Variants in CCSER1 observed in about 807,000 individuals in gnomAD.
CCSER1 encodes coiled-coil serine rich protein 1.
A neutral mutation model predicts 82.0 loss-of-function variants in CCSER1; 41 were observed. That is an observed-to-expected ratio of 0.50 (90% CI 0.39 to 0.65). The LOEUF is 0.65. Among genes scored for constraint, CCSER1 ranks in the 30% least tolerant of loss-of-function variants. The probability of loss-of-function intolerance (pLI) is 0.00; values close to 1 mark genes in which losing one functional copy is unlikely to be tolerated. For synonymous variants in CCSER1, 414 were observed against 383.9 expected (o/e 1.08, Z -0.92); for missense variants, 1,119 against 1,064.2 (o/e 1.05, Z -0.72).
intron 10 of CCSER1, among the ~76,000 whole-genome samples, chr4:91,492,443 T>C (rs1187111440): frequency 6.6e-6 from 1 of 152,094 alleles, no homozygotes; most frequent in Non-Finnish European, 1.5e-5. Flanking sequence ...CTGCTGTCTC[T>C]TCCCAGGGAT....
chr4:91,146,329 T>G (rs1180200853), intron 10 of CCSER1, among the ~76,000 whole-genome samples: 1 of 152,216 alleles, frequency 6.6e-6, no homozygotes, highest in African/African-American at 2.4e-5. Flanking sequence ...GATTCATTTT[T>G]TGGCTTTCTT....
chr4:90,712,544 T>C (rs1227596252), intron 6 of CCSER1, among the ~76,000 whole-genome samples: 1 of 152,086 alleles, frequency 6.6e-6, no homozygotes, highest in African/African-American at 2.4e-5. Context: ...CTGAGGCGTG[T>C]TTTACTTCTA....
intron 10 of CCSER1, among the ~76,000 whole-genome samples, chr4:91,328,896 G>A (rs1300487100): frequency 6.6e-6 from 1 of 152,098 alleles, no homozygotes; most frequent in African/African-American, 2.4e-5. Flanking sequence ...TCTCATGGTA[G>A]TGAATAGGTC....
intron 1 of CCSER1, among the ~76,000 whole-genome samples, chr4:90,210,755 T>A (rs1000622399): frequency 6.6e-6 from 1 of 152,208 alleles, no homozygotes; most frequent in African/African-American, 2.4e-5. Flanking sequence ...TGGCGTCTGC[T>A]ATCATTTCTA....
At chr4:90,824,137 A>C (rs1471416480) in intron 8 of CCSER1, among the ~76,000 whole-genome samples, 1 of 152,108 alleles carries the variant, frequency 6.6e-6, no homozygotes, top group Admixed American at 6.5e-5. Context: ...TCATTAAAAA[A>C]AATGTTTAAA....
At chr4:90,349,902 G>A (rs1279870819) in intron 3 of CCSER1, among the ~76,000 whole-genome samples, 1 of 152,028 alleles carries the variant, frequency 6.6e-6, no homozygotes, top group Non-Finnish European at 1.5e-5. Context: ...CAGATGGAAA[G>A]ACTTAGAAAC....
chr4:90,318,516 A>G lies in CCSER1; in HGVS notation c.1509+5469A>G, dbSNP rs538530091. Among the ~76,000 whole-genome samples the G allele has an allele frequency of 3.9e-5, 6 of 152,334 alleles. No homozygotes were observed. The South Asian group carries it at 1.0e-3, about 26-fold the overall frequency. ...AAACTGTGAATGACACAGTAAAAAC[A>G]TAACTGTAGGACTTTGGTAGAAGAA... On this transcript the variant is annotated intron_variant, in intron 3 of 10. Coordinates refer to ENST00000509176, the MANE Select transcript of CCSER1 (RefSeq NM_001145065.2).
intron 3 of CCSER1, among the ~76,000 whole-genome samples, chr4:90,344,959 A>T (rs1742073634): frequency 6.6e-6 from 1 of 152,112 alleles, no homozygotes; most frequent in Admixed American, 6.5e-5. Flanking sequence ...TCCTCGTAAC[A>T]TTCATTTGAC....
intron 3 of CCSER1, among the ~76,000 whole-genome samples, chr4:90,369,101 A>G (rs1476308987): frequency 6.6e-6 from 1 of 151,930 alleles, no homozygotes; most frequent in Admixed American, 6.6e-5. Flanking sequence ...AAATAAAGCC[A>G]AAAGCTATTT....
At chr4:90,702,826 T>C (rs1180206015) in intron 6 of CCSER1, among the ~76,000 whole-genome samples, 2 of 152,212 alleles carry the variant, frequency 1.3e-5, no homozygotes, top group East Asian at 1.9e-4. Context: ...ATATCACCTT[T>C]ATCATTTTTT....
chr4:90,998,398 G>A (rs2150468086), intron 9 of CCSER1, among the ~76,000 whole-genome samples: 1 of 152,024 alleles, frequency 6.6e-6, no homozygotes, highest in Admixed American at 6.6e-5. Context: ...AAAATAATCA[G>A]TTATTTATTT....
At chr4:90,731,513 A>C (rs1208333845) in intron 7 of CCSER1, among the ~76,000 whole-genome samples, 1 of 152,236 alleles carries the variant, frequency 6.6e-6, no homozygotes, top group African/African-American at 2.4e-5. Flanking sequence ...ATTATGGTTT[A>C]GAAATATGAT....
chr4:90,196,843 C>G (rs1447868913), intron 1 of CCSER1, among the ~76,000 whole-genome samples: 1 of 152,056 alleles, frequency 6.6e-6, no homozygotes, highest in African/African-American at 2.4e-5. Context: ...TTTTGCTACT[C>G]TCCCGAACAG....
At chr4:90,604,550 G>T (rs568872789) in intron 5 of CCSER1, among the ~76,000 whole-genome samples, 1 of 152,196 alleles carries the variant, frequency 6.6e-6, no homozygotes, top group South Asian at 2.1e-4. Context: ...TATTGTTACA[G>T]CATTAATTAT....
intron 7 of CCSER1, among the ~76,000 whole-genome samples, chr4:90,749,845 T>G (rs925551373): frequency 8.6e-5 from 13 of 151,772 alleles, no homozygotes; most frequent in South Asian, 2.1e-4. Flanking sequence ...TTTCTAGTTC[T>G]AGATCCCTGA....
At chr4:91,255,593 G>T (rs1740620024) in intron 10 of CCSER1, among the ~76,000 whole-genome samples, 1 of 152,154 alleles carries the variant, frequency 6.6e-6, no homozygotes, top group Non-Finnish European at 1.5e-5. Context: ...CCAGAGTGTT[G>T]CAGGAAGTCA....
At chr4:91,279,463 A>C (rs921010078) in intron 10 of CCSER1, among the ~76,000 whole-genome samples, 17 of 151,558 alleles carry the variant, frequency 1.1e-4, no homozygotes, top group African/African-American at 4.1e-4. Flanking sequence ...TCTTTGTCTG[A>C]CTGAGTTATT....
intron 1 of CCSER1, among the ~76,000 whole-genome samples, chr4:90,240,923 A>G (rs2153434297): frequency 6.6e-6 from 1 of 152,274 alleles, no homozygotes; most frequent in East Asian, 1.9e-4. Flanking sequence ...TACATATACC[A>G]CTGTAAATAT....
chr4:91,166,465 A>G (rs1207329801), intron 10 of CCSER1, among the ~76,000 whole-genome samples: 1 of 152,184 alleles, frequency 6.6e-6, no homozygotes, highest in African/African-American at 2.4e-5. Flanking sequence ...TAGAAAGTCT[A>G]ATTACCTGTC....
Sources: allele counts gnomAD v4.1 joint callset (sites outside exome capture counted in the v4.1 genomes callset), GRCh38; gene constraint gnomAD v4.1.1; transcripts MANE v1.5; gene names NCBI Gene and HGNC (gene_info 2026-07-23, HGNC 2026-07-21).